The following GSDMC variants were observed in gnomAD, a reference collection of about 807,000 sequenced individuals.
GSDMC encodes the protein gasdermin C.
In GSDMC, 59 loss-of-function variants were observed where a neutral mutation model predicts 58.0. The observed-to-expected ratio is 1.02, with a 90% CI of 0.82 to 1.26. The LOEUF (loss-of-function observed/expected upper bound fraction) is 1.26. Among genes scored for constraint, GSDMC ranks in the 50% most tolerant of loss-of-function variants. The pLI, the probability that GSDMC is intolerant of heterozygous loss-of-function variation, is 0.00. For missense variants in GSDMC, 659 were observed against 598.5 expected (o/e 1.10, Z -1.06); for synonymous variants, 241 against 220.2 (o/e 1.09, Z -0.83).
intron 3 of GSDMC, among the ~76,000 whole-genome samples, chr8:129,773,408 T>C (rs1265203566): frequency 1.3e-5 from 2 of 152,222 alleles, no homozygotes; most frequent in Admixed American, 1.3e-4. Context: ...AATTAATAAA[T>C]AAATGCAGTC....
rs370912790 is a variant in GSDMC at position 129,753,622 on chromosome 8, G to T, written c.722-802C>A. Among the ~76,000 whole-genome samples, 50 of 152,356 alleles carry T rather than the reference G, an allele frequency of 3.3e-4. No individual in the cohort carries two copies. In the East Asian group the frequency reaches 9.4e-3, roughly 29 times the overall value. ...CTGTTTGAGAAAAGCAGAGGGAAAA[G>T]TAAAGAGGAGGCTTTGCCTTGCATC... On this transcript the variant is annotated intron_variant, in intron 6 of 13. Coordinates refer to ENST00000276708, the MANE Select transcript of GSDMC (RefSeq NM_031415.3).
chr8:129,783,397 C>A (rs904846369), intron 1 of GSDMC, among the ~76,000 whole-genome samples: 10 of 152,046 alleles, frequency 6.6e-5, no homozygotes, highest in African/African-American at 2.2e-4. Context: ...ATTAAAGTTG[C>A]AGGATACAAA....
intron 6 of GSDMC, among the ~76,000 whole-genome samples, chr8:129,756,758 G>A (rs573059228): frequency 4.7e-4 from 72 of 152,132 alleles, no homozygotes; most frequent in African/African-American, 1.7e-3. Context: ...GAGGAATTTT[G>A]GAAACCATAC....
Position 129,785,410 on chromosome 8 carries a change from G to A in GSDMC, c.-5+601C>T, listed in dbSNP as rs115821705. On this transcript the variant is annotated intron_variant, in intron 1 of 13. Coordinates refer to ENST00000276708, the MANE Select transcript of GSDMC (RefSeq NM_031415.3). ...CTGGGAAAGATATTAGGGGGTGGGA[G>A]GGAGGTGGGGATGGTAAATGAGCAC... 1.3e-3 allele frequency among the ~76,000 whole-genome samples: 202 copies of A among 151,386 alleles called. 2 individuals are homozygous for A. Among genetic ancestry groups the A allele is most frequent in the African/African-American group, 4.6e-3 (188 of 41,204 alleles).
the GSDMC span, chr8:129,730,001 A>G: frequency 4.8e-6 from 7 of 1,452,572 alleles, no homozygotes; most frequent in Admixed American, 3.6e-5. Context: ...CGGATAGTTC[A>G]TCTTCCAACG....
At chr8:129,721,300 T>G in the GSDMC span, among the ~76,000 whole-genome samples, 1 of 152,162 alleles carries the variant, frequency 6.6e-6, no homozygotes, top group Non-Finnish European at 1.5e-5. Flanking sequence ...ATGTCTACAG[T>G]AGGTTTCACT....
At chr8:129,759,242 C>T (rs1404889314) in intron 6 of GSDMC, among the ~76,000 whole-genome samples, 1 of 152,122 alleles carries the variant, frequency 6.6e-6, no homozygotes, top group Admixed American at 6.5e-5. Context: ...AATCTAAGGC[C>T]TCAAACTATG....
chr8:129,739,154 T>C, the GSDMC span, among the ~76,000 whole-genome samples: 2 of 152,174 alleles, frequency 1.3e-5, no homozygotes, highest in African/African-American at 4.8e-5. Flanking sequence ...ATGTGCACGT[T>C]CAAGGCAGGT....
the GSDMC span, among the ~76,000 whole-genome samples, chr8:129,718,652 T>C: frequency 6.6e-6 from 1 of 152,150 alleles, no homozygotes; most frequent in Admixed American, 6.5e-5. Flanking sequence ...GAACCAGAAA[T>C]ACCATTTGAC....
At chr8:129,780,260 G>C (rs1352452497) in intron 1 of GSDMC, among the ~76,000 whole-genome samples, 1 of 152,106 alleles carries the variant, frequency 6.6e-6, no homozygotes, top group Non-Finnish European at 1.5e-5. Flanking sequence ...GCTAGAGTAA[G>C]ATACCAATAT....
At chr8:129,718,963 C>T in the GSDMC span, among the ~76,000 whole-genome samples, 1 of 152,064 alleles carries the variant, frequency 6.6e-6, no homozygotes, top group Non-Finnish European at 1.5e-5. Context: ...TGTTCTCACT[C>T]ATAAGTGGGA....
chr8:129,755,843 G>A (rs2033406713), intron 6 of GSDMC, among the ~76,000 whole-genome samples: 3 of 150,794 alleles, frequency 2.0e-5, no homozygotes, highest in Admixed American at 2.0e-4. Context: ...AAGTCTTACA[G>A]TAACCTCAAA....
chr8:129,736,881 T>C, the GSDMC span, among the ~76,000 whole-genome samples: 1 of 152,178 alleles, frequency 6.6e-6, no homozygotes, highest in Non-Finnish European at 1.5e-5. Context: ...GATTGTATAT[T>C]TAGAAAACCC....
At chr8:129,750,686 T>G (rs1010592841) in intron 10 of GSDMC, 116 bp from the exon 11 acceptor site, 14 of 1,008,346 alleles carry the variant, frequency 1.4e-5, no homozygotes, top group Non-Finnish European at 1.8e-5. Flanking sequence ...CCCTTTCAGC[T>G]GCTAACCAAA....
At chr8:129,774,956 A>G (rs1272019753) in intron 3 of GSDMC, among the ~76,000 whole-genome samples, 1 of 152,230 alleles carries the variant, frequency 6.6e-6, no homozygotes, top group East Asian at 1.9e-4. Context: ...AAATCCTTGT[A>G]TGCTATTAGT....
rs372178900 is a variant in GSDMC at position 129,781,268 on chromosome 8, A to G, written c.-4-3677T>C. Among the ~76,000 whole-genome samples, 12 of 152,320 alleles carry G rather than the reference A, an allele frequency of 7.9e-5. No individual in the cohort carries two copies. The South Asian group carries it at 1.2e-3, about 16-fold the overall frequency. On this transcript the variant is annotated intron_variant, in intron 1 of 13. Transcript: ENST00000276708. ...TTAATTAAAAAAACAAGACCCAATG[A>G]TCTGTTACCTACAAGAAACACACTT... is the stretch of plus-strand genomic sequence containing the variant.
chr8:129,757,566 C>A (rs2033489968), intron 6 of GSDMC, among the ~76,000 whole-genome samples: 1 of 151,510 alleles, frequency 6.6e-6, no homozygotes, highest in South Asian at 2.1e-4. Context: ...CAGTATTACC[C>A]AGATACCAAA....
chr8:129,777,550 A>G lies in GSDMC; in HGVS notation c.38T>C (p.Val13Ala). The G allele has an allele frequency of 4.3e-6, 7 of 1,612,744 alleles. No individual in the cohort carries two copies. Among genetic ancestry groups the G allele is most frequent in the Non-Finnish European group, 5.9e-6 (7 of 1,179,204 alleles). ...CAGGTCTTTGCTTCCAATCTCTTTG[A>G]CCAAATTTTTGCTAATGCGTTCCAA... ...SMLERISKNL[V>A]KEIGSKDLTP... is the part of the protein sequence containing the mutation. Residue 13 changes from valine (V) to alanine (A), a missense_variant, in exon 2 of 14, where the codon GTC (valine) becomes GCC (alanine). Transcript: ENST00000276708.
chr8:129,777,371 G>A lies in GSDMC; in HGVS notation c.217C>T (p.Leu73=), dbSNP rs559980444. ...CTTGGCCTCTGGCTGACAATACCTA[G>A]GACTGAAGAACTTGGCTCCAGGATG... ...NDILEPSSSV[L]ETVVTGPFHF... Residue 73 remains leucine (L), a synonymous_variant, in exon 2 of 14, where the codon CTA becomes TTA. Transcript: ENST00000276708. 1.9e-6 allele frequency: 3 copies of A among 1,599,238 alleles called. No homozygotes were observed. Among genetic ancestry groups the A allele is most frequent in the African/African-American group, 1.3e-5 (1 of 74,652 alleles).
Sources: gnomAD v4.1 joint callset for allele counts (sites outside exome capture counted in the v4.1 genomes callset) on GRCh38, gnomAD v4.1.1 for gene constraint, MANE v1.5 for transcripts, NCBI Gene and HGNC (gene_info 2026-07-23, HGNC 2026-07-21) for gene names.